Variants in SEMA5A observed in about 807,000 individuals in gnomAD.
SEMA5A encodes semaphorin 5A.
Under a neutral mutation model 135.5 loss-of-function variants are expected in SEMA5A, and 55 were observed. The observed-to-expected ratio is 0.41, with a 90% confidence interval of 0.33 to 0.51. SEMA5A has a LOEUF of 0.51. SEMA5A is among the 20% of genes least tolerant of loss of function. The pLI is 0.37. For missense variants in SEMA5A, 1,290 were observed against 1,419.9 expected (o/e 0.91, Z 1.47); for synonymous variants, 580 against 546.5 (o/e 1.06, Z -0.85).
intron 5 of SEMA5A, among the ~76,000 whole-genome samples, chr5:9,280,304 G>C (rs937955550): frequency 6.6e-6 from 1 of 152,116 alleles, no homozygotes; most frequent in African/African-American, 2.4e-5. Flanking sequence ...GATCCCTATT[G>C]ATCTTGTCAA....
Position 9,119,144 on chromosome 5 carries a change from G to A in SEMA5A, c.1782-3C>T. Reference sequence around the variant, plus strand: ...TCCAGGGAGTCCAGCCTCCGTTCCTGAGGGAAGGGAAGCAATGCAATCATT... The same window carrying A: ...TCCAGGGAGTCCAGCCTCCGTTCCTAAGGGAAGGGAAGCAATGCAATCATT... On this transcript the variant is annotated splice_polypyrimidine_tract_variant and splice_region_variant and intron_variant, in intron 14 of 22. Transcript: ENST00000382496. 1 of 1,613,114 alleles carries A rather than the reference G, an allele frequency of 6.2e-7. No homozygotes were observed. Among genetic ancestry groups the A allele is most frequent in the East Asian group, 2.2e-5 (1 of 44,850 alleles).
chr5:9,543,213 T>C (rs1738187890), intron 1 of SEMA5A, among the ~76,000 whole-genome samples: 1 of 152,202 alleles, frequency 6.6e-6, no homozygotes, highest in African/African-American at 2.4e-5. Context: ...GAGGCTAACA[T>C]GACTCTGGAA....
intron 5 of SEMA5A, among the ~76,000 whole-genome samples, chr5:9,308,854 C>T (rs1006158681): frequency 2.6e-5 from 4 of 152,014 alleles, no homozygotes; most frequent in Non-Finnish European, 5.9e-5. Context: ...CTGGAGAACT[C>T]GATGAGATGA....
intron 16 of SEMA5A, among the ~76,000 whole-genome samples, chr5:9,078,107 C>T (rs150012304): frequency 6.6e-6 from 1 of 152,134 alleles, no homozygotes; most frequent in South Asian, 2.1e-4. Context: ...CACTGTAATG[C>T]CTTTAAATTC....
intron 1 of SEMA5A, among the ~76,000 whole-genome samples, chr5:9,447,116 G>T (rs1233822431): frequency 6.6e-6 from 1 of 152,208 alleles, no homozygotes; most frequent in South Asian, 2.1e-4. Flanking sequence ...AAACAGAACA[G>T]GCAGTAGATT....
chr5:9,422,011 A>G (rs1312512197), intron 2 of SEMA5A, among the ~76,000 whole-genome samples: 1 of 152,226 alleles, frequency 6.6e-6, no homozygotes, highest in African/African-American at 2.4e-5. Flanking sequence ...CGATAACCAA[A>G]TTACAGTCTA....
chr5:9,343,310 T>G (rs1753731235), intron 3 of SEMA5A, among the ~76,000 whole-genome samples: 1 of 152,084 alleles, frequency 6.6e-6, no homozygotes, highest in African/African-American at 2.4e-5. Context: ...AACGTAGGAA[T>G]GATACAAGCA....
In SEMA5A at chr5:9,381,971, TGTGTGTGTGTGCGCGCGC is replaced by T. The variant is rs1465553585; in HGVS notation, c.-77-1966_-77-1949del. ...GTGTGTGTGTGTGTGTGTGTGTGTG[TGTGTGTGTGTGCGCGCGC>T]GCGCACATCAAGTTTCAGACACGTG... On this transcript the variant is annotated intron_variant, in intron 2 of 22. Transcript: ENST00000382496. Among the ~76,000 whole-genome samples, 406 of 128,864 alleles carry T rather than the reference TGTGTGTGTGTGCGCGCGC, an allele frequency of 3.2e-3. 4 individuals carry two copies. Among genetic ancestry groups the T allele is most frequent in the East Asian group, 0.028 (128 of 4,628 alleles). The allele number at this position is 128,864 out of a possible 152,430, so 84.5% of individuals were successfully genotyped here.
chr5:9,145,706 T>C (rs912415162), intron 12 of SEMA5A, among the ~76,000 whole-genome samples: 15 of 150,652 alleles, frequency 1.0e-4, no homozygotes, highest in African/African-American at 3.7e-4. Context: ...TGGTGCAGTC[T>C]TGGCTCACTG....
chr5:9,469,565 C>A (rs1349564006), intron 1 of SEMA5A, among the ~76,000 whole-genome samples: 1 of 152,182 alleles, frequency 6.6e-6, no homozygotes, highest in African/African-American at 2.4e-5. Context: ...GATTCACTCA[C>A]TCGCTCCAGG....
chr5:9,449,577 G>T (rs1478751449), intron 1 of SEMA5A, among the ~76,000 whole-genome samples: 1 of 150,200 alleles, frequency 6.7e-6, no homozygotes, highest in Non-Finnish European at 1.5e-5. Context: ...TAAAATAAAA[G>T]TTGAAGGAAA....
At chr5:9,464,639 T>G (rs1400817810) in intron 1 of SEMA5A, among the ~76,000 whole-genome samples, 3 of 152,200 alleles carry the variant, frequency 2.0e-5, no homozygotes, top group African/African-American at 7.2e-5. Context: ...AAGCCCCCGT[T>G]GAGGGAGCTG....
rs147073873 is a variant in SEMA5A at position 9,089,997 on chromosome 5, T to C, written c.2073+18143A>G. ...AAATATCATATTGTGAATATGACTA[T>C]ATAAATATAAGTGAAATGTAAATAT... On this transcript the variant is annotated intron_variant, in intron 16 of 22. Transcript: ENST00000382496. Among the ~76,000 whole-genome samples the C allele has an allele frequency of 7.2e-4, 110 of 152,340 alleles. 3 individuals carry two copies. The East Asian group carries it at 0.021, about 29-fold the overall frequency.
intron 2 of SEMA5A, among the ~76,000 whole-genome samples, chr5:9,424,543 C>T (rs1052009508): frequency 1.3e-5 from 2 of 152,172 alleles, no homozygotes; most frequent in African/African-American, 2.4e-5. Context: ...AATCATTCCT[C>T]GATAGCCCAC....
chr5:9,197,062 C>T, intron 10 of SEMA5A, 106 bp downstream of exon 10: 2 of 1,471,018 alleles, frequency 1.4e-6, no homozygotes, highest in Admixed American at 1.8e-5. Context: ...GAGACAGCTG[C>T]ATGGTGCATG....
intron 1 of SEMA5A, among the ~76,000 whole-genome samples, chr5:9,539,689 T>C (rs1737971320): frequency 6.6e-6 from 1 of 152,232 alleles, no homozygotes; most frequent in Non-Finnish European, 1.5e-5. Context: ...ATTATATATA[T>C]TAGCATTTTT....
intron 16 of SEMA5A, among the ~76,000 whole-genome samples, chr5:9,077,012 A>G (rs1461350961): frequency 6.6e-6 from 1 of 152,088 alleles, no homozygotes; most frequent in Non-Finnish European, 1.5e-5. Flanking sequence ...TTTGAACATG[A>G]GGAAGTTATC....
chr5:9,144,441 T>C (rs1742221510), intron 12 of SEMA5A, among the ~76,000 whole-genome samples: 1 of 152,224 alleles, frequency 6.6e-6, no homozygotes, highest in African/African-American at 2.4e-5. Context: ...CTTAACAGTT[T>C]GACTGCAATT....
At chr5:9,370,466 A>T (rs1208761978) in intron 3 of SEMA5A, among the ~76,000 whole-genome samples, 3 of 152,190 alleles carry the variant, frequency 2.0e-5, no homozygotes, top group African/African-American at 7.2e-5. Flanking sequence ...TTAATCATGA[A>T]TAAGAACACT....
Sources: allele counts gnomAD v4.1 joint callset (sites outside exome capture counted in the v4.1 genomes callset), GRCh38; gene constraint gnomAD v4.1.1; transcripts MANE v1.5; gene names NCBI Gene and HGNC (gene_info 2026-07-23, HGNC 2026-07-21).